The following RHOJ variants were observed in gnomAD, a reference collection of about 807,000 sequenced individuals.
The protein encoded by RHOJ is ras homolog family member J.
In RHOJ, 11 loss-of-function variants were observed where a neutral mutation model predicts 23.4. The ratio of observed to expected loss-of-function variants is 0.47; its 90% CI spans 0.30 to 0.78. The LOEUF (loss-of-function observed/expected upper bound fraction) is 0.78, where lower values mean the gene tolerates loss of function less well. Ranked by LOEUF, RHOJ falls within the 30% of genes least tolerant of loss-of-function variation. The pLI is 0.08. For synonymous variants in RHOJ, 102 were observed against 102.7 expected (o/e 0.99, Z 0.04); for missense variants, 254 against 273.4 (o/e 0.93, Z 0.50).
At chr14:63,248,607 A>G (rs972902471) in intron 1 of RHOJ, among the ~76,000 whole-genome samples, 2 of 152,216 alleles carry the variant, frequency 1.3e-5, no homozygotes, top group Non-Finnish European at 2.9e-5. Flanking sequence ...TAAACTCAAT[A>G]CTGATTTATA....
chr14:63,269,808 G>A (rs757335235), intron 2 of RHOJ, among the ~76,000 whole-genome samples: 47 of 152,130 alleles, frequency 3.1e-4, no homozygotes, highest in Non-Finnish European at 6.5e-4. Flanking sequence ...ACAAGACAAC[G>A]GGCTAAAACC....
At chr14:63,290,783 A>G in intron 4 of RHOJ, 95 bp from the exon 5 acceptor site, 1 of 1,247,718 alleles carries the variant, frequency 8.0e-7, no homozygotes, top group Non-Finnish European at 1.1e-6. Flanking sequence ...TTTGTAGGAC[A>G]GGCAGAAGTA....
At chr14:63,265,079 A>G (rs1895343027) in intron 1 of RHOJ, among the ~76,000 whole-genome samples, 1 of 152,002 alleles carries the variant, frequency 6.6e-6, no homozygotes, top group African/African-American at 2.4e-5. Context: ...GCTTTTGAGG[A>G]CCTAGTCATA....
chr14:63,248,395 G>A (rs1364661449), intron 1 of RHOJ, among the ~76,000 whole-genome samples: 3 of 151,930 alleles, frequency 2.0e-5, no homozygotes, highest in African/African-American at 7.2e-5. Context: ...CCAGTGTTAT[G>A]GAAAAAAGAA....
chr14:63,231,833 G>A (rs1024122201), intron 1 of RHOJ, among the ~76,000 whole-genome samples: 4 of 152,068 alleles, frequency 2.6e-5, no homozygotes, highest in African/African-American at 9.7e-5. Context: ...TTGTCCTTTT[G>A]TAATATCTCA....
At chr14:63,251,642 T>C (rs1175435767) in intron 1 of RHOJ, among the ~76,000 whole-genome samples, 1 of 152,190 alleles carries the variant, frequency 6.6e-6, no homozygotes, top group African/African-American at 2.4e-5. Flanking sequence ...AAGCCAAGTG[T>C]GTTGACCCTA....
intron 1 of RHOJ, among the ~76,000 whole-genome samples, chr14:63,218,003 C>G (rs534693176): frequency 2.6e-5 from 4 of 152,152 alleles, no homozygotes; most frequent in African/African-American, 9.6e-5. Context: ...CCTGGGTATG[C>G]AAGTTAATTT....
In RHOJ at chr14:63,232,837, T is replaced by C. The variant is rs577309462; in HGVS notation, c.178+27790T>C. ...TCAGCCTCCCAAGTAGCTGGGACCA[T>C]AGGCATGCACCACCATGCTGGGCTA... On this transcript the variant is annotated intron_variant, in intron 1 of 4. Transcript: ENST00000316754. Among the ~76,000 whole-genome samples the C allele has an allele frequency of 1.1e-4, 17 of 151,436 alleles. No homozygotes were observed. In the East Asian group the frequency reaches 2.9e-3, roughly 26 times the overall value.
intron 1 of RHOJ, among the ~76,000 whole-genome samples, chr14:63,257,204 C>T (rs1321068685): frequency 8.4e-5 from 12 of 142,670 alleles, no homozygotes; most frequent in African/African-American, 3.2e-4. Flanking sequence ...CACCACTGTA[C>T]TCCAGCCTGG....
At chr14:63,214,515 A>G (rs543422007) in intron 1 of RHOJ, among the ~76,000 whole-genome samples, 5 of 152,242 alleles carry the variant, frequency 3.3e-5, no homozygotes, top group Admixed American at 2.0e-4. Context: ...AGCAGATCGT[A>G]TCAAACAGAA....
rs567342495 is a variant in RHOJ at position 63,287,763 on chromosome 14, T to C, written c.499-3115T>C. ...TTTTCTTGAAAATAAGTCATTTGGG[T>C]AGAACACATTCCAGTTTGCTTGCAT... On this transcript the variant is annotated intron_variant, in intron 4 of 4. Transcript: ENST00000316754. 6.6e-5 allele frequency among the ~76,000 whole-genome samples: 10 copies of C among 152,298 alleles called. No individual in the cohort carries two copies. In the East Asian group the frequency reaches 1.5e-3, roughly 23 times the overall value.
intron 1 of RHOJ, among the ~76,000 whole-genome samples, chr14:63,262,575 C>G (rs1566623546): frequency 6.6e-6 from 1 of 152,250 alleles, no homozygotes; most frequent in Non-Finnish European, 1.5e-5. Flanking sequence ...GAAAGCAACA[C>G]TAATAGCTCC....
At chr14:63,236,851 C>T (rs969062666) in intron 1 of RHOJ, among the ~76,000 whole-genome samples, 7 of 151,894 alleles carry the variant, frequency 4.6e-5, no homozygotes, top group African/African-American at 1.7e-4. Context: ...TACCAAAATC[C>T]ACAGATGCTC....
At chr14:63,253,443 G>A (rs953626393) in intron 1 of RHOJ, among the ~76,000 whole-genome samples, 11 of 151,836 alleles carry the variant, frequency 7.2e-5, no homozygotes, top group Admixed American at 2.6e-4. Flanking sequence ...TGTTGCCCAG[G>A]CTGTCTCAAA....
chr14:63,214,712 T>A (rs530798223), intron 1 of RHOJ, among the ~76,000 whole-genome samples: 1 of 151,262 alleles, frequency 6.6e-6, no homozygotes, highest in Non-Finnish European at 1.5e-5. Context: ...CCTCAGGGAG[T>A]CAGACTAGAG....
chr14:63,235,125 G>A (rs566699123), intron 1 of RHOJ, among the ~76,000 whole-genome samples: 1 of 151,496 alleles, frequency 6.6e-6, no homozygotes, highest in South Asian at 2.1e-4. Flanking sequence ...TCTTCTTTCG[G>A]GACTCTAAAT....
intron 1 of RHOJ, among the ~76,000 whole-genome samples, chr14:63,251,894 G>GC (rs1895078098): frequency 6.6e-6 from 1 of 152,092 alleles, no homozygotes. Flanking sequence ...GCCGAGGCAG[G>GC]CTGATCACTT....
chr14:63,210,909 C>T (rs1447392730), intron 1 of RHOJ, among the ~76,000 whole-genome samples: 1 of 152,188 alleles, frequency 6.6e-6, no homozygotes. Context: ...ATCACCCACC[C>T]TCCTAGAGCT....
At chr14:63,285,534 A>T (rs1054740566) in intron 4 of RHOJ, among the ~76,000 whole-genome samples, 1 of 152,076 alleles carries the variant, frequency 6.6e-6, no homozygotes, top group African/African-American at 2.4e-5. Context: ...AGGGTGTTTT[A>T]TTTTCAAAGG....
Sources: gnomAD v4.1 joint callset for allele counts (sites outside exome capture counted in the v4.1 genomes callset) on GRCh38, gnomAD v4.1.1 for gene constraint, MANE v1.5 for transcripts, NCBI Gene and HGNC (gene_info 2026-07-23, HGNC 2026-07-21) for gene names.